The following MAF variants were observed in gnomAD, a reference collection of about 807,000 sequenced individuals.
MAF encodes transcription factor Maf.
MAF carries 10 observed loss-of-function variants against 22.0 expected under a neutral mutation model. The observed-to-expected ratio is 0.45, with a 90% CI of 0.28 to 0.77. The LOEUF (loss-of-function observed/expected upper bound fraction) is 0.77. Among genes scored for constraint, MAF ranks in the 30% least tolerant of loss-of-function variants. MAF has a pLI of 0.12. For synonymous variants in MAF, 337 were observed against 255.8 expected, an observed-to-expected ratio of 1.32 and a Z score of -3.03; for missense variants, 544 against 548.4, an observed-to-expected ratio of 0.99 and a Z score of 0.08.
the MAF span, among the ~76,000 whole-genome samples, chr16:79,386,068 A>G: frequency 9.9e-4 from 151 of 152,370 alleles, no homozygotes; most frequent in African/African-American, 3.3e-3. Context: ...AATCAAGTAG[A>G]TAAATAGGTG....
At chr16:79,403,236 AG>A in the MAF span, among the ~76,000 whole-genome samples, 2 of 152,216 alleles carry the variant, frequency 1.3e-5, no homozygotes, top group African/African-American at 4.8e-5. Flanking sequence ...GCCCATCAAA[AG>A]CAAAGACTCT....
chr16:79,470,020 G>A, the MAF span, among the ~76,000 whole-genome samples: 1 of 152,176 alleles, frequency 6.6e-6, no homozygotes, highest in Non-Finnish European at 1.5e-5. Flanking sequence ...TCTCTACCTC[G>A]CTCAGAAACG....
the MAF span, among the ~76,000 whole-genome samples, chr16:79,223,245 C>A: frequency 6.6e-6 from 1 of 152,166 alleles, no homozygotes; most frequent in Non-Finnish European, 1.5e-5. Flanking sequence ...GGAACCTGAA[C>A]AACCTGCTCC....
the MAF span, among the ~76,000 whole-genome samples, chr16:79,389,728 G>T: frequency 1.3e-5 from 2 of 152,000 alleles, no homozygotes; most frequent in African/African-American, 4.8e-5. Flanking sequence ...TGTAATCCCA[G>T]CACTTTGGGA....
the MAF span, among the ~76,000 whole-genome samples, chr16:79,402,648 C>A: frequency 1.3e-5 from 2 of 152,184 alleles, no homozygotes; most frequent in Non-Finnish European, 2.9e-5. Context: ...GTTGGAGGTG[C>A]CAGGGGTGCG....
the MAF span, among the ~76,000 whole-genome samples, chr16:79,335,311 A>G: frequency 6.6e-6 from 1 of 152,014 alleles, no homozygotes; most frequent in East Asian, 1.9e-4. Context: ...TCTTTATGCA[A>G]TTTCTATTTG....
At chr16:79,476,769 G>A in the MAF span, among the ~76,000 whole-genome samples, 5 of 152,216 alleles carry the variant, frequency 3.3e-5, no homozygotes, top group Non-Finnish European at 5.9e-5. Context: ...GGAGTCACAT[G>A]GTACCAGGCT....
the MAF span, among the ~76,000 whole-genome samples, chr16:79,273,460 T>G: frequency 6.6e-6 from 1 of 152,220 alleles, no homozygotes; most frequent in African/African-American, 2.4e-5. Context: ...CAACATAAAT[T>G]TATGTTTCAG....
chr16:79,427,151 T>C, the MAF span, among the ~76,000 whole-genome samples: 104,665 of 152,088 alleles, frequency 0.69, 36,947 homozygotes, highest in East Asian at 1. Context: ...TCCACCTTTA[T>C]GCATGTTAAA....
At chr16:79,405,481 T>C in the MAF span, among the ~76,000 whole-genome samples, 1 of 152,230 alleles carries the variant, frequency 6.6e-6, no homozygotes, top group Non-Finnish European at 1.5e-5. Flanking sequence ...TGAACAACTT[T>C]CATTGTCTAT....
chr16:79,470,801 T>A, the MAF span, among the ~76,000 whole-genome samples: 2 of 152,210 alleles, frequency 1.3e-5, no homozygotes, highest in East Asian at 1.9e-4. Flanking sequence ...GGTGAACGGA[T>A]GAATGGATGA....
At chr16:79,568,823 G>T in the MAF span, among the ~76,000 whole-genome samples, 2 of 152,144 alleles carry the variant, frequency 1.3e-5, no homozygotes, top group African/African-American at 4.8e-5. Context: ...AACAGAAATG[G>T]CAATAATAGA....
the MAF span, among the ~76,000 whole-genome samples, chr16:79,519,568 C>G: frequency 6.6e-6 from 1 of 152,220 alleles, no homozygotes; most frequent in Non-Finnish European, 1.5e-5. Flanking sequence ...AGTACAAAAC[C>G]CAGTTCCTTA....
At chr16:79,392,678 G>C in the MAF span, among the ~76,000 whole-genome samples, 3 of 152,140 alleles carry the variant, frequency 2.0e-5, no homozygotes, top group Non-Finnish European at 4.4e-5. Flanking sequence ...GATTTGTTAG[G>C]AAGAGGGTGA....
the MAF span, among the ~76,000 whole-genome samples, chr16:79,466,224 C>T: frequency 1.3e-5 from 2 of 152,222 alleles, no homozygotes; most frequent in African/African-American, 2.4e-5. Context: ...TCCCTCTAGA[C>T]CCACCCTCTC....
chr16:79,297,243 G>A, the MAF span, among the ~76,000 whole-genome samples: 83 of 152,286 alleles, frequency 5.5e-4, no homozygotes, highest in Middle Eastern at 6.8e-3. Flanking sequence ...GTACTTTGGA[G>A]GAATTTTTTC....
At chr16:79,449,602 G>A in the MAF span, among the ~76,000 whole-genome samples, 3 of 152,168 alleles carry the variant, frequency 2.0e-5, no homozygotes, top group East Asian at 1.9e-4. Flanking sequence ...ATGCTACAAC[G>A]CCGGCCTACA....
chr16:79,212,324 T>G, the MAF span: 1 of 783,458 alleles, frequency 1.3e-6, no homozygotes, highest in African/African-American at 1.8e-5. Flanking sequence ...TCTCAGAACC[T>G]TGTCCCAGCC....
At chr16:79,431,440 G>C in the MAF span, among the ~76,000 whole-genome samples, 5 of 152,260 alleles carry the variant, frequency 3.3e-5, no homozygotes, top group Admixed American at 3.3e-4. Context: ...GCTTGAAATA[G>C]GTCTTAATAC....
Sources: gnomAD v4.1 joint callset for allele counts (sites outside exome capture counted in the v4.1 genomes callset) on GRCh38, gnomAD v4.1.1 for gene constraint, MANE v1.5 for transcripts, NCBI Gene and HGNC (gene_info 2026-07-23, HGNC 2026-07-21) for gene names.